The following SEPTIN5 variants were observed in gnomAD, a reference collection of about 807,000 sequenced individuals.
The protein encoded by SEPTIN5 is septin-5.
In SEPTIN5, 16 loss-of-function variants were observed where a neutral mutation model predicts 51.2. The ratio of observed to expected loss-of-function variants is 0.31; its 90% CI spans 0.21 to 0.47. The LOEUF is 0.47. Among genes scored for constraint, SEPTIN5 ranks in the 20% least tolerant of loss-of-function variants. The pLI is 0.99. For missense variants in SEPTIN5, 376 were observed against 500.3 expected (o/e 0.75, Z 2.37); for synonymous variants, 208 against 191.2 (o/e 1.09, Z -0.72).
At chr22:19,716,579 G>A (rs1935914215) in intron 2 of SEPTIN5, among the ~76,000 whole-genome samples, 1 of 152,232 alleles carries the variant, frequency 6.6e-6, no homozygotes, top group African/African-American at 2.4e-5. Flanking sequence ...ACCAGAGAAA[G>A]GGGGTGGCAG....
intron 10 of SEPTIN5, 58 bp from the exon 11 acceptor site, chr22:19,722,179 C>A (rs1936054645): frequency 7.5e-7 from 1 of 1,328,804 alleles, no homozygotes; most frequent in Non-Finnish European, 1.0e-6. Context: ...GCATCGCCAG[C>A]CCACGCTGAG....
chr22:19,722,256 C>T lies in SEPTIN5; in HGVS notation c.970C>T (p.Arg324Cys). The T allele has an allele frequency of 2.5e-6, 4 of 1,609,396 alleles. No individual in the cohort carries two copies. Among genetic ancestry groups the T allele is most frequent in the South Asian group, 1.1e-5 (1 of 90,670 alleles). ...GCGCAGCAAACTGACCCAGGACAGC[C>T]GCATGGAGAGCCCCATCCCGATCCT... ...QMTSKLTQDS[R>C]MESPIPILPL... Residue 324 changes from arginine (R) to cysteine (C), a missense_variant, in exon 11 of 12, where the codon CGC becomes TGC. Transcript: ENST00000455784.
Position 19,723,049 on chromosome 22 carries a change from C to G in SEPTIN5, c.*565C>G, listed in dbSNP as rs1351363492. ...AGGCTGCAAGGAGCGGGGTCGTGAC[C>G]GCTTACACCCCTTCTCCACAGCCCG... On this transcript the variant is annotated 3_prime_UTR_variant, in exon 12 of 12. Transcript: ENST00000455784. 2.1e-6 allele frequency: 1 copy of G among 485,306 alleles called. No homozygotes were observed. The highest frequency in any genetic ancestry group is 3.9e-6 in the Non-Finnish European group (1 of 253,774). 30.1% of individuals were successfully genotyped at this position (485,306 alleles called of 1,614,324 possible). A position where few individuals can be genotyped will look rare whatever the true frequency, so the allele number is the denominator to read the frequency against.
intron 2 of SEPTIN5, chr22:19,717,469 G>T (rs752253163): frequency 4.9e-6 from 2 of 406,000 alleles, no homozygotes; most frequent in Non-Finnish European, 1.0e-5. Flanking sequence ...GAGGGCAAGG[G>T]AATGTCCACA....
intron 2 of SEPTIN5, chr22:19,717,279 T>A (rs1358712633): frequency 2.1e-6 from 1 of 470,372 alleles, no homozygotes; most frequent in Admixed American, 2.3e-5. Context: ...CCAGGCCCCA[T>A]GTCCTGCTCC....
Position 19,720,463 on chromosome 22 carries a change from C to T in SEPTIN5, c.497+9C>T. 1.2e-6 allele frequency: 2 copies of T among 1,613,452 alleles called. No homozygotes were observed. Among genetic ancestry groups the T allele is most frequent in the South Asian group, 2.2e-5 (2 of 91,088 alleles). On this transcript the variant is annotated intron_variant, in intron 6 of 11. Coordinates refer to ENST00000455784, the MANE Select transcript of SEPTIN5 (RefSeq NM_002688.6). Reference sequence around the variant, plus strand: ...TCCCCCTTCGGGCATGGGTGTGTGGCTGTCCTGGGGCCAGGCTCGGGAGTG... The same window carrying T: ...TCCCCCTTCGGGCATGGGTGTGTGGTTGTCCTGGGGCCAGGCTCGGGAGTG...
At chr22:19,720,895 G>T (rs753736763) in intron 8 of SEPTIN5, 26 bp downstream of exon 8, 3 of 1,594,176 alleles carry the variant, frequency 1.9e-6, no homozygotes, top group Non-Finnish European at 2.6e-6. Context: ...GGTGGGGCAG[G>T]GGGGATGGAG....
Position 19,721,916 on chromosome 22 carries a change from C to G in SEPTIN5, c.909C>G (p.His303Gln), listed in dbSNP as rs1367252373. 6.2e-7 allele frequency: 1 copy of G among 1,612,076 alleles called. No homozygotes were observed. Among genetic ancestry groups the G allele is most frequent in the Admixed American group, 1.7e-5 (1 of 59,998 alleles). ...HDLKDVTCDV[H>Q]YENYRAHCIQ... ...TCAAGGACGTGACGTGCGACGTGCA[C>G]TACGAGAACTACCGCGCGCACTGCA... is the stretch of plus-strand genomic sequence containing the variant. Residue 303 changes from histidine (H) to glutamine (Q), a missense_variant, in exon 10 of 12, where the codon CAC becomes CAG. Physicochemically the swap from His to Gln is conservative, Grantham distance 24 (BLOSUM62 0). This residue lies in a region of SEPTIN5 where 287 missense variants were observed against 417.1 expected (regional missense o/e 0.69). Transcript: ENST00000455784.
At chr22:19,718,571 G>C (rs897021014) in intron 2 of SEPTIN5, 2 of 1,289,632 alleles carry the variant, frequency 1.6e-6, no homozygotes, top group Admixed American at 3.1e-5. Flanking sequence ...CGATCCCCCG[G>C]GTAGGCGACG....
At chr22:19,721,568 C>G in intron 8 of SEPTIN5, 72 bp from the exon 9 acceptor site, 1 of 1,531,808 alleles carries the variant, frequency 6.5e-7, no homozygotes, top group Non-Finnish European at 9.0e-7. Flanking sequence ...CCGGGAGTTA[C>G]ATGCCCGTTT....
At position 19,722,902 on chromosome 22, in the gene SEPTIN5, C is replaced by A. The variant is rs1936077959; in HGVS notation, c.*418C>A. 2 of 447,000 alleles carry A rather than the reference C, an allele frequency of 4.5e-6. No individual in the cohort carries two copies. 27.7% of individuals were successfully genotyped at this position (447,000 alleles called of 1,614,324 possible). On this transcript the variant is annotated 3_prime_UTR_variant, in exon 12 of 12. Coordinates refer to ENST00000455784, the MANE Select transcript of SEPTIN5 (RefSeq NM_002688.6). ...CTCCTTTGCCTGCTCCCGCGGGTCA[C>A]CCAGCGAGTGCTGAGACCCCATTTT...
chr22:19,722,785 G>T lies in SEPTIN5; in HGVS notation c.*301G>T, dbSNP rs1343727778. The T allele has an allele frequency of 7.7e-6, 4 of 518,750 alleles. No individual in the cohort carries two copies. Among genetic ancestry groups the T allele is most frequent in the African/African-American group, 5.7e-5 (3 of 52,744 alleles). The allele number at this position is 518,750 out of a possible 1,614,324, so 32.1% of individuals were successfully genotyped here. A position where few individuals can be genotyped will look rare whatever the true frequency, so the allele number is the denominator to read the frequency against. Reference sequence around the variant, plus strand: ...TCACAGCACCCAAACCGCAGGCCCTGCTCTGGCAGGCAGGCAAAGCTAGGC... The same window carrying T: ...TCACAGCACCCAAACCGCAGGCCCTTCTCTGGCAGGCAGGCAAAGCTAGGC... On this transcript the variant is annotated 3_prime_UTR_variant, in exon 12 of 12. Transcript: ENST00000455784.
rs2145790722 is a variant in SEPTIN5 at position 19,720,685 on chromosome 22, AGG to A, written c.615+22_615+23del. ...GGAGCGGGTGAGCCTGCCGTCGCAC[AGG>A]GGCCTGGCCAGGGCCCTGGGGCTGA... On this transcript the variant is annotated intron_variant, in intron 7 of 11. Coordinates refer to ENST00000455784, the MANE Select transcript of SEPTIN5 (RefSeq NM_002688.6). 1.2e-6 allele frequency: 2 copies of A among 1,612,780 alleles called. No homozygotes were observed. The highest frequency in any genetic ancestry group is 1.7e-6 in the Non-Finnish European group (2 of 1,179,840).
chr22:19,714,645 C>CCCGCG lies in SEPTIN5; in HGVS notation c.43+14_43+15insCCGCG. 3 of 1,510,188 alleles carry CCCGCG rather than the reference C, an allele frequency of 2.0e-6. No individual in the cohort carries two copies. The highest frequency in any genetic ancestry group is 1.2e-5 in the South Asian group (1 of 81,532). 93.5% of individuals were successfully genotyped at this position (1,510,188 alleles called of 1,614,324 possible). On this transcript the variant is annotated intron_variant, in intron 1 of 11. Transcript: ENST00000455784. This position sits in a 1 kb window ranked among gnomAD's most constrained non-coding sequence, Gnocchi z 5.2. ...TGGCGACCCCAGGTGAGCCCAGCGC[C>CCCGCG]TGCCCGCGTGCCCGCGCGCGCCTTT...
intron 4 of SEPTIN5, 54 bp downstream of exon 4, chr22:19,719,946 C>T: frequency 6.2e-7 from 1 of 1,603,794 alleles, no homozygotes; most frequent in Non-Finnish European, 8.5e-7. Context: ...TTCCATGGGA[C>T]CTCTCCAAGG....
At position 19,720,473 on chromosome 22, in the gene SEPTIN5, G is replaced by T; in HGVS notation, c.497+19G>T. The T allele has an allele frequency of 1.2e-6, 2 of 1,613,230 alleles. No homozygotes were observed. Among genetic ancestry groups the T allele is most frequent in the Non-Finnish European group, 1.7e-6 (2 of 1,179,674 alleles). On this transcript the variant is annotated intron_variant, in intron 6 of 11. Coordinates refer to ENST00000455784, the MANE Select transcript of SEPTIN5 (RefSeq NM_002688.6). ...GGCATGGGTGTGTGGCTGTCCTGGGGCCAGGCTCGGGAGTGCAGCCCCTAC... is the reference window on the plus strand; with the variant it reads ...GGCATGGGTGTGTGGCTGTCCTGGGTCCAGGCTCGGGAGTGCAGCCCCTAC...
intron 2 of SEPTIN5, 171 bp from the exon 3 acceptor site, chr22:19,719,428 CCTT>C: frequency 3.4e-6 from 2 of 591,862 alleles, no homozygotes; most frequent in Non-Finnish European, 6.0e-6. Flanking sequence ...ACCTCGCCTG[CCTT>C]CTTATCTCCA....
chr22:19,720,011 G>A (rs962852529), intron 4 of SEPTIN5, 104 bp from the exon 5 acceptor site: 2 of 1,603,004 alleles, frequency 1.2e-6, no homozygotes, highest in African/African-American at 1.3e-5. Flanking sequence ...GGGTCCCCTG[G>A]GGGTAGGGCC....
intron 2 of SEPTIN5, among the ~76,000 whole-genome samples, chr22:19,715,884 C>T (rs1199956012): frequency 6.6e-6 from 1 of 152,154 alleles, no homozygotes; most frequent in African/African-American, 2.4e-5. Flanking sequence ...GCAGGTCAGA[C>T]AAAGCCTGAG....
Sources: allele counts gnomAD v4.1 joint callset (sites outside exome capture counted in the v4.1 genomes callset), GRCh38; gene constraint gnomAD v4.1.1; regional missense constraint gnomAD v4.1.1; non-coding constraint Gnocchi (gnomAD v3.1); transcripts MANE v1.5; gene names NCBI Gene and HGNC (gene_info 2026-07-23, HGNC 2026-07-21).